The following PDXDC1 variants were observed in gnomAD, a reference collection of about 807,000 sequenced individuals.
The protein encoded by PDXDC1 is pyridoxal dependent decarboxylase domain containing 1, also known as pyridoxal-dependent decarboxylase domain-containing protein 1.
Under a neutral mutation model 100.1 loss-of-function variants are expected in PDXDC1, and 42 were observed. The observed-to-expected ratio is 0.42, with a 90% CI of 0.33 to 0.54. The LOEUF (loss-of-function observed/expected upper bound fraction) is 0.54, where lower values mean the gene tolerates loss of function less well. Ranked by LOEUF, PDXDC1 falls within the 20% of genes least tolerant of loss-of-function variation. The pLI, the probability that PDXDC1 is intolerant of heterozygous loss-of-function variation, is 0.10. For missense variants in PDXDC1, 636 were observed against 979.2 expected, an observed-to-expected ratio of 0.65 and a Z score of 4.68; for synonymous variants, 260 against 371.7, an observed-to-expected ratio of 0.70 and a Z score of 3.46.
chr16:15,136,275 C>A (rs4095364), intron 16 of PDXDC1: 4 of 612,666 alleles, frequency 6.5e-6, no homozygotes, highest in African/African-American at 5.6e-5. Flanking sequence ...GGGCCCACCA[C>A]CCCAGGCTCA....
intron 16 of PDXDC1, among the ~76,000 whole-genome samples, chr16:15,101,982 G>A (rs2046567417): frequency 6.6e-6 from 1 of 152,086 alleles, no homozygotes; most frequent in South Asian, 2.1e-4. Context: ...CCGAGTAGCT[G>A]GGATTACAGG....
At chr16:15,095,832 G>A (rs1237568891) in intron 16 of PDXDC1, among the ~76,000 whole-genome samples, 3 of 149,876 alleles carry the variant, frequency 2.0e-5, no homozygotes, top group East Asian at 2.0e-4. Flanking sequence ...CCTGGGTGAC[G>A]AGTGAAACTG....
At chr16:14,976,630 G>C (rs538769444) in intron 1 of PDXDC1, 1 of 152,540 alleles carries the variant, frequency 6.6e-6, no homozygotes, top group Admixed American at 6.5e-5. Context: ...TAAAGCAGGG[G>C]GCAATTTATT....
At chr16:15,052,628 G>A (rs2044342030) in intron 16 of PDXDC1, among the ~76,000 whole-genome samples, 1 of 152,178 alleles carries the variant, frequency 6.6e-6, no homozygotes, top group Non-Finnish European at 1.5e-5. Flanking sequence ...GAGGTCAGGA[G>A]TTTCAGACCA....
At chr16:15,047,569 A>AGGAC in intron 16 of PDXDC1, 1 of 1,557,694 alleles carries the variant, frequency 6.4e-7, no homozygotes, top group Non-Finnish European at 8.9e-7. Context: ...CAAGGGTGAA[A>AGGAC]GGACTCAAGT....
At chr16:15,089,663 G>T (rs1427712540) in intron 16 of PDXDC1, among the ~76,000 whole-genome samples, 20 of 151,652 alleles carry the variant, frequency 1.3e-4, no homozygotes, top group Middle Eastern at 3.2e-3. Context: ...AGCTGGCGGT[G>T]GTGGCGGGCG....
intron 16 of PDXDC1, among the ~76,000 whole-genome samples, chr16:15,091,603 A>G (rs949659164): frequency 6.6e-6 from 1 of 152,070 alleles, no homozygotes; most frequent in African/African-American, 2.4e-5. Flanking sequence ...ATACTTCTGT[A>G]TTGACATTTG....
At position 15,092,534 on chromosome 16, in the gene PDXDC1, G is replaced by C. The variant is rs548953371; in HGVS notation, c.1400-46345G>C. 91 of 1,612,820 alleles carry C rather than the reference G, an allele frequency of 5.6e-5. No individual in the cohort carries two copies. Among genetic ancestry groups the C allele is most frequent in the Non-Finnish European group, 7.0e-5 (82 of 1,178,902 alleles). On this transcript the variant is annotated intron_variant, in intron 16 of 16. Coordinates refer to the PDXDC1 transcript ENST00000535621. Reference sequence around the variant, plus strand: ...CTTTTTGTACTTCAGCAAGACTTCTGTCACAGTTCCACCAAACCGAACAGT... The same window carrying C: ...CTTTTTGTACTTCAGCAAGACTTCTCTCACAGTTCCACCAAACCGAACAGT...
intron 16 of PDXDC1, among the ~76,000 whole-genome samples, chr16:15,071,597 G>C (rs1269657205): frequency 2.0e-5 from 3 of 151,778 alleles, no homozygotes; most frequent in Admixed American, 6.6e-5. Context: ...GAGAAACCCT[G>C]TCTCTACTAA....
At position 15,033,435 on chromosome 16, in the gene PDXDC1, AG is replaced by A. The variant is rs527935547; in HGVS notation, c.1812+37del. On this transcript the variant is annotated intron_variant, in intron 19 of 22. Transcript: ENST00000396410. ...CCCATCAGTGTTCATTCCTCTTCTG[AG>A]TTTTGTCCCACCAAACAGCAGGGGC... is the stretch of plus-strand genomic sequence containing the variant. The A allele has an allele frequency of 5.7e-4, 909 of 1,603,738 alleles. 4 individuals carry two copies. The African/African-American group carries it at 0.01, about 18-fold the overall frequency.
At chr16:14,982,661 T>C (rs1255697198) in intron 1 of PDXDC1, among the ~76,000 whole-genome samples, 1 of 152,288 alleles carries the variant, frequency 6.6e-6, no homozygotes, top group Non-Finnish European at 1.5e-5. Flanking sequence ...TCCAATAAGA[T>C]AAACCAGGTT....
chr16:15,024,142 G>A (rs2042406669), intron 13 of PDXDC1, among the ~76,000 whole-genome samples: 1 of 152,274 alleles, frequency 6.6e-6, no homozygotes, highest in Admixed American at 6.5e-5. Flanking sequence ...ACTGGCCCAG[G>A]CAGAAAGCCT....
rs1331875610 is a variant in PDXDC1, at chr16:15,063,231, C to T, written c.1399+33175C>T. 1.9e-6 allele frequency: 3 copies of T among 1,613,430 alleles called. No individual in the cohort carries two copies. The Admixed American group carries it at 5.0e-5, about 27-fold the overall frequency. ...GGTTTCTTGAACTCCTGTAGCTCTT[C>T]AGCACTCATGTCTTCCCACACCTGA... On this transcript the variant is annotated intron_variant, in intron 16 of 16. Coordinates refer to the PDXDC1 transcript ENST00000535621.
At chr16:14,989,826 C>G (rs1357490273) in intron 1 of PDXDC1, 1 of 1,533,060 alleles carries the variant, frequency 6.5e-7, no homozygotes, top group East Asian at 2.5e-5. Context: ...CTCCCGCTCC[C>G]CGGGAGTCAC....
the PDXDC1 span, among the ~76,000 whole-genome samples, chr16:15,149,342 G>A: frequency 6.6e-6 from 1 of 152,180 alleles, no homozygotes; most frequent in Non-Finnish European, 1.5e-5. Flanking sequence ...CAGTGATAAC[G>A]GAGCCCTCGA....
chr16:15,136,071 C>A, intron 16 of PDXDC1: 5 of 1,578,586 alleles, frequency 3.2e-6, no homozygotes, highest in Non-Finnish European at 4.3e-6. Flanking sequence ...CCTCGCCCTG[C>A]GGCGCTGGGC....
intron 16 of PDXDC1, among the ~76,000 whole-genome samples, chr16:15,099,222 A>C (rs2046457630): frequency 1.3e-5 from 2 of 152,114 alleles, no homozygotes; most frequent in African/African-American, 4.8e-5. Flanking sequence ...CAGGAGTTCA[A>C]GACCAGCTGG....
At chr16:15,073,103 C>T (rs2045304991) in intron 16 of PDXDC1, 4 of 1,601,826 alleles carry the variant, frequency 2.5e-6, no homozygotes, top group Non-Finnish European at 3.4e-6. Flanking sequence ...TCTGGCATCT[C>T]AGTTTTTATA....
Position 15,104,482 on chromosome 16 carries a change from G to A in PDXDC1, c.1400-34397G>A, listed in dbSNP as rs139442985. ...GAGTGAGCAGACACACTCGGGAGGTGTCTTGAGATTATCATCCGCTGAGGG... is the reference window on the plus strand; with the variant it reads ...GAGTGAGCAGACACACTCGGGAGGTATCTTGAGATTATCATCCGCTGAGGG... On this transcript the variant is annotated intron_variant, in intron 16 of 16. Transcript: ENST00000535621. 4.2e-3 allele frequency: 5,360 copies of A among 1,266,090 alleles called. 350 individuals carry two copies. In the East Asian group the frequency reaches 0.13, roughly 31 times the overall value. 78.4% of individuals were successfully genotyped at this position (1,266,090 alleles called of 1,614,324 possible). A position where few individuals can be genotyped will look rare whatever the true frequency, so the allele number is the denominator to read the frequency against.
Sources: allele counts gnomAD v4.1 joint callset (sites outside exome capture counted in the v4.1 genomes callset), GRCh38; gene constraint gnomAD v4.1.1; transcripts MANE v1.5; gene names NCBI Gene and HGNC (gene_info 2026-07-23, HGNC 2026-07-21).